The following TBC1D1 variants were observed in gnomAD, a reference collection of about 807,000 sequenced individuals.
TBC1D1 encodes TBC1 domain family member 1.
TBC1D1 carries 89 observed loss-of-function variants against 125.6 expected under a neutral mutation model. The observed-to-expected ratio is 0.71, with a 90% CI of 0.60 to 0.85. TBC1D1 has a LOEUF of 0.85. Ranked by LOEUF, TBC1D1 falls within the 40% of genes least tolerant of loss-of-function variation. TBC1D1 has a pLI of 0.00. For synonymous variants in TBC1D1, 565 were observed against 564.1 expected (o/e 1.00, Z -0.02); for missense variants, 1,377 against 1,469.2 (o/e 0.94, Z 1.03).
At chr4:37,905,142 C>G (rs1717037484) in intron 2 of TBC1D1, among the ~76,000 whole-genome samples, 1 of 152,178 alleles carries the variant, frequency 6.6e-6, no homozygotes, top group Admixed American at 6.5e-5. Flanking sequence ...TGTAAAGGAA[C>G]AATTTTATAA....
chr4:37,950,676 C>T (rs1365004931), intron 2 of TBC1D1, among the ~76,000 whole-genome samples: 2 of 150,928 alleles, frequency 1.3e-5, no homozygotes, highest in Non-Finnish European at 2.9e-5. Flanking sequence ...TTATTCTCAC[C>T]CAAAATTCAT....
intron 2 of TBC1D1, among the ~76,000 whole-genome samples, chr4:37,937,616 A>ATAATT (rs1398239250): frequency 2.6e-5 from 4 of 152,230 alleles, no homozygotes; most frequent in African/African-American, 9.6e-5. Flanking sequence ...TGAAACAATA[A>ATAATT]GAATTGTTTC....
chr4:37,959,194 G>A (rs1017584732), intron 2 of TBC1D1, among the ~76,000 whole-genome samples: 16 of 152,104 alleles, frequency 1.1e-4, no homozygotes, highest in Non-Finnish European at 1.9e-4. Flanking sequence ...CTGCATAGTC[G>A]AAAATCCACC....
intron 11 of TBC1D1, among the ~76,000 whole-genome samples, chr4:38,052,705 C>T (rs1025092762): frequency 3.1e-5 from 3 of 98,166 alleles, no homozygotes; most frequent in African/African-American, 1.0e-4. Context: ...TGCGTATATA[C>T]ACACACACGC....
intron 14 of TBC1D1, among the ~76,000 whole-genome samples, chr4:38,098,325 C>T (rs1759722158): frequency 1.3e-5 from 2 of 152,204 alleles, no homozygotes; most frequent in African/African-American, 4.8e-5. Flanking sequence ...TCACAGTTGC[C>T]TAGATGATCA....
intron 1 of TBC1D1, among the ~76,000 whole-genome samples, chr4:37,893,991 CTT>C (rs34402649): frequency 2.5e-3 from 347 of 136,894 alleles, no homozygotes; most frequent in African/African-American, 3.5e-3. Context: ...AGGTTTTTGA[CTT>C]TTTTTTTTTT....
chr4:38,013,504 C>T (rs1741966765), intron 2 of TBC1D1, among the ~76,000 whole-genome samples: 2 of 152,132 alleles, frequency 1.3e-5, no homozygotes, highest in Non-Finnish European at 1.5e-5. Context: ...GGTGTTAGGT[C>T]ATAACAAAAA....
chr4:37,956,483 A>T (rs1055298057), intron 2 of TBC1D1, among the ~76,000 whole-genome samples: 9 of 152,234 alleles, frequency 5.9e-5, no homozygotes, highest in African/African-American at 2.2e-4. Context: ...TAGGTGCTCA[A>T]TACATATTGA....
intron 2 of TBC1D1, among the ~76,000 whole-genome samples, chr4:37,902,933 A>G (rs1716397691): frequency 6.6e-6 from 1 of 152,240 alleles, no homozygotes; most frequent in African/African-American, 2.4e-5. Flanking sequence ...CTGCCAAGAA[A>G]TGCTGATGCT....
At chr4:38,082,736 G>A (rs28581245) in intron 12 of TBC1D1, among the ~76,000 whole-genome samples, 8,109 of 152,134 alleles carry the variant, frequency 0.053, 703 homozygotes, top group African/African-American at 0.18. Flanking sequence ...CCCTGGGCTC[G>A]CCCACCCAGG....
chr4:38,072,414 C>A (rs1467435085), intron 12 of TBC1D1, among the ~76,000 whole-genome samples: 1 of 152,134 alleles, frequency 6.6e-6, no homozygotes, highest in Non-Finnish European at 1.5e-5. Context: ...TGGCCTGTGG[C>A]CTTTTGTTTT....
chr4:38,124,281 G>C (rs1764299779), intron 17 of TBC1D1, among the ~76,000 whole-genome samples: 1 of 152,142 alleles, frequency 6.6e-6, no homozygotes, highest in Non-Finnish European at 1.5e-5. Context: ...GTTGCTGCTC[G>C]GCCGCTTGCC....
chr4:38,012,259 G>T (rs1741661272), intron 2 of TBC1D1, among the ~76,000 whole-genome samples: 1 of 152,178 alleles, frequency 6.6e-6, no homozygotes, highest in African/African-American at 2.4e-5. Context: ...CTCCTTTTTG[G>T]AGAGTAACTA....
At chr4:38,113,026 C>G (rs994460711) in intron 15 of TBC1D1, among the ~76,000 whole-genome samples, 1 of 152,168 alleles carries the variant, frequency 6.6e-6, no homozygotes, top group Non-Finnish European at 1.5e-5. Flanking sequence ...GGTTTGCCTT[C>G]TCATAACATA....
chr4:38,118,440 G>A (rs1763332080), intron 17 of TBC1D1: 2 of 433,718 alleles, frequency 4.6e-6, no homozygotes, highest in Non-Finnish European at 8.1e-6. Flanking sequence ...GTGTAGATCC[G>A]ATCGCTCACC....
chr4:38,071,723 G>A (rs181013730), intron 12 of TBC1D1, among the ~76,000 whole-genome samples: 2 of 152,258 alleles, frequency 1.3e-5, no homozygotes, highest in African/African-American at 4.8e-5. Flanking sequence ...CAGATGGCAG[G>A]GTGAAAAGTT....
chr4:37,947,485 G>T (rs888117473), intron 2 of TBC1D1, among the ~76,000 whole-genome samples: 1 of 151,988 alleles, frequency 6.6e-6, no homozygotes, highest in Non-Finnish European at 1.5e-5. Context: ...TAGAGACAGG[G>T]TCTCTCACTC....
chr4:37,977,265 C>T lies in TBC1D1; in HGVS notation c.418-37244C>T, dbSNP rs1403622419. The T allele has an allele frequency of 6.7e-6, 1 of 148,854 alleles. No homozygotes were observed. The highest frequency in any genetic ancestry group is 1.5e-5 in the Non-Finnish European group (1 of 66,724). The allele number at this position is 148,854 out of a possible 1,614,324, so 9.2% of individuals were successfully genotyped here. On this transcript the variant is annotated intron_variant, in intron 2 of 19. Coordinates refer to ENST00000261439, the MANE Select transcript of TBC1D1 (RefSeq NM_015173.4). The surrounding 1 kb of genome is among the most constrained non-coding windows in gnomAD (Gnocchi z 4.3). Reference sequence around the variant, plus strand: ...CTCTCCCCTCCTCCCCCCGCCCACCCCCTCCCCGCGCTCTCCCCTCCCACT... The same window carrying T: ...CTCTCCCCTCCTCCCCCCGCCCACCTCCTCCCCGCGCTCTCCCCTCCCACT...
intron 2 of TBC1D1, among the ~76,000 whole-genome samples, chr4:37,968,175 T>A (rs1678027331): frequency 6.6e-6 from 1 of 152,208 alleles, no homozygotes; most frequent in Admixed American, 6.5e-5. Flanking sequence ...GATAGACCTA[T>A]GTCATAAGTA....
Sources: allele counts gnomAD v4.1 joint callset (sites outside exome capture counted in the v4.1 genomes callset), GRCh38; gene constraint gnomAD v4.1.1; non-coding constraint Gnocchi (gnomAD v3.1); transcripts MANE v1.5; gene names NCBI Gene and HGNC (gene_info 2026-07-23, HGNC 2026-07-21).